Variants in INPP4B observed in about 807,000 individuals in gnomAD.
INPP4B encodes the protein inositol polyphosphate 4-phosphatase type II.
INPP4B carries 55 observed loss-of-function variants against 122.5 expected under a neutral mutation model. The observed-to-expected ratio is 0.45, with a 90% CI of 0.36 to 0.56. The LOEUF is 0.56. Ranked by LOEUF, INPP4B falls within the 20% of genes least tolerant of loss-of-function variation. INPP4B has a pLI of 0.00. For synonymous variants in INPP4B, 403 were observed against 388.7 expected, an observed-to-expected ratio of 1.04 and a Z score of -0.43; for missense variants, 1,000 against 1,097.7, an observed-to-expected ratio of 0.91 and a Z score of 1.26.
intron 2 of INPP4B, among the ~76,000 whole-genome samples, chr4:142,553,874 C>A (rs1204132190): frequency 1.3e-5 from 2 of 152,052 alleles, no homozygotes; most frequent in Admixed American, 6.6e-5. Context: ...ATGGCTGCAC[C>A]GTCAGTCTTA....
chr4:142,095,064 A>G (rs1423584108), intron 23 of INPP4B, among the ~76,000 whole-genome samples: 1 of 152,194 alleles, frequency 6.6e-6, no homozygotes, highest in Non-Finnish European at 1.5e-5. Context: ...GCAACAAAAC[A>G]TATTAATCTA....
intron 25 of INPP4B, 21 bp downstream of exon 25, chr4:142,082,009 AC>A: frequency 7.1e-7 from 1 of 1,412,664 alleles, no homozygotes; most frequent in South Asian, 1.9e-5. Context: ...AAAGAAAAAA[AC>A]TTGAAAAACA....
rs1357476933 is a variant in INPP4B, at chr4:142,554,224, AG to A, written c.-190-91499del. On this transcript the variant is annotated intron_variant, in intron 2 of 25. Coordinates refer to ENST00000262992, the MANE Select transcript of INPP4B (RefSeq NM_001101669.3). ...AAAAAAAGAAAAAGAAAAAAGCCAG[AG>A]TCATCCACTTCCTTCCACTCCAGAT... Among the ~76,000 whole-genome samples the A allele has an allele frequency of 4.6e-5, 7 of 150,744 alleles. No homozygotes were observed. In the East Asian group the frequency reaches 1.4e-3, roughly 29 times the overall value.
chr4:142,266,500 T>C (rs1742895584), intron 10 of INPP4B, among the ~76,000 whole-genome samples: 1 of 152,212 alleles, frequency 6.6e-6, no homozygotes, highest in Admixed American at 6.5e-5. Flanking sequence ...ATTTGTTACG[T>C]GTTGGATAAA....
intron 5 of INPP4B, chr4:142,423,719 G>A (rs775567026): frequency 7.3e-6 from 3 of 412,590 alleles, no homozygotes; most frequent in Non-Finnish European, 1.4e-5. Flanking sequence ...ATACTGAATT[G>A]CATATCCACA....
intron 25 of INPP4B, among the ~76,000 whole-genome samples, chr4:142,080,193 C>T (rs984882484): frequency 6.6e-6 from 1 of 152,050 alleles, no homozygotes; most frequent in Non-Finnish European, 1.5e-5. Context: ...TAATGTATGG[C>T]ATATAGCCTG....
intron 9 of INPP4B, among the ~76,000 whole-genome samples, chr4:142,294,486 G>A (rs574050456): frequency 7.9e-5 from 12 of 152,070 alleles, no homozygotes; most frequent in Middle Eastern, 3.4e-3. Flanking sequence ...AATACCAGGT[G>A]GATAAGATAT....
rs184155869 is a variant in INPP4B, at chr4:142,270,728, C to A, written c.550G>T (p.Val184Leu). Residue 184 changes from valine (V) to leucine (L), a missense_variant, in exon 10 of 26, where the codon GTG becomes TTG. Transcript: ENST00000262992. ...KVVGTIEVSV[V>L]KMGEIEDGEA... The stretch of plus-strand genomic sequence containing the variant: ...CCATCCTCAATCTCCCCCATCTTCA[C>A]GACACTGACTTCTATGGTGCCAACC... The A allele has an allele frequency of 1.9e-6, 3 of 1,613,986 alleles. No individual in the cohort carries two copies. The highest frequency in any genetic ancestry group is 4.5e-5 in the East Asian group (2 of 44,866).
chr4:142,817,845 T>C lies in INPP4B; in HGVS notation c.-254+28364A>G, dbSNP rs543738348. On this transcript the variant is annotated intron_variant, in intron 1 of 25. Transcript: ENST00000262992. ...ATCTAAACCTACTTTATAACTGCTA[T>C]ATATTGACGTTAAAAGGAAACCAAA... Among the ~76,000 whole-genome samples the C allele has an allele frequency of 3.3e-5, 5 of 152,284 alleles. No homozygotes were observed. The South Asian group carries it at 8.3e-4, about 25-fold the overall frequency.
intron 10 of INPP4B, among the ~76,000 whole-genome samples, chr4:142,264,651 G>C (rs1741908605): frequency 6.6e-6 from 1 of 152,154 alleles, no homozygotes; most frequent in South Asian, 2.1e-4. Context: ...AAACGTATGT[G>C]AGAAGAAAGA....
chr4:142,352,175 G>C (rs1782122430), intron 7 of INPP4B, among the ~76,000 whole-genome samples: 3 of 151,900 alleles, frequency 2.0e-5, no homozygotes, highest in Admixed American at 1.3e-4. Flanking sequence ...AGACCGCTTT[G>C]TGTTCCTGAA....
Position 142,375,941 on chromosome 4 carries a change from G to T in INPP4B, c.372+26997C>A, listed in dbSNP as rs144096012. On this transcript the variant is annotated intron_variant, in intron 7 of 25. Coordinates refer to ENST00000262992, the MANE Select transcript of INPP4B (RefSeq NM_001101669.3). Reference sequence around the variant, plus strand: ...AGCTACTATTAGACAGACGTCTCTAGACAATAAAAATCTTGTCACTGTATC... The same window carrying T: ...AGCTACTATTAGACAGACGTCTCTATACAATAAAAATCTTGTCACTGTATC... 8.1e-3 allele frequency among the ~76,000 whole-genome samples: 1,236 copies of T among 151,966 alleles called. 17 individuals carry two copies. The highest frequency in any genetic ancestry group is 0.028 in the African/African-American group (1,182 of 41,520).
intron 10 of INPP4B, among the ~76,000 whole-genome samples, chr4:142,268,523 T>G (rs962044949): frequency 1.3e-5 from 2 of 151,618 alleles, no homozygotes; most frequent in Non-Finnish European, 1.5e-5. Context: ...CCAAAGGAAT[T>G]GAAATCAATA....
At chr4:142,417,494 T>A (rs1265486136) in intron 5 of INPP4B, among the ~76,000 whole-genome samples, 1 of 151,900 alleles carries the variant, frequency 6.6e-6, no homozygotes, top group Non-Finnish European at 1.5e-5. Flanking sequence ...ATAAAATGTG[T>A]GAAAAAATGT....
intron 2 of INPP4B, among the ~76,000 whole-genome samples, chr4:142,524,732 G>A (rs1463472979): frequency 8.6e-5 from 13 of 151,828 alleles, no homozygotes; most frequent in Admixed American, 3.9e-4. Flanking sequence ...TTGACGGGAC[G>A]TATTTCAAAA....
Position 142,082,178 on chromosome 4 carries a change from C to T in INPP4B, c.2495G>A (p.Arg832His), listed in dbSNP as rs1303434799. 5 of 1,508,112 alleles carry T rather than the reference C, an allele frequency of 3.3e-6. No individual in the cohort carries two copies. The highest frequency in any genetic ancestry group is 2.3e-5 in the East Asian group (1 of 43,648). 93.4% of individuals were successfully genotyped at this position (1,508,112 alleles called of 1,614,324 possible). A position where few individuals can be genotyped will look rare whatever the true frequency, so the allele number is the denominator to read the frequency against. The stretch of plus-strand genomic sequence containing the variant: ...GGTGAAACGAATACCATTCAGTTTG[C>T]GGCAAATCTGTAACATATGTAAGAA... ...EIMWLAATIC[R>H]KLNGIRFTCC... Residue 832 changes from arginine (R) to histidine (H), a missense_variant, in exon 25 of 26, where the codon CGC becomes CAC. Coordinates refer to ENST00000262992, the MANE Select transcript of INPP4B (RefSeq NM_001101669.3).
chr4:142,259,031 A>T (rs903426888), intron 11 of INPP4B, among the ~76,000 whole-genome samples: 5 of 152,150 alleles, frequency 3.3e-5, no homozygotes, highest in Non-Finnish European at 5.9e-5. Context: ...GCCATAAAAA[A>T]TGATGAGTTC....
chr4:142,793,277 ACT>A (rs1776800178), intron 1 of INPP4B, among the ~76,000 whole-genome samples: 2 of 152,024 alleles, frequency 1.3e-5, no homozygotes, highest in Admixed American at 1.3e-4. Context: ...AGTCCACTAG[ACT>A]CTAAATTACT....
At position 142,243,892 on chromosome 4, in the gene INPP4B, C is replaced by T. The variant is rs1305877812; in HGVS notation, c.689-5881G>A. 5.3e-5 allele frequency among the ~76,000 whole-genome samples: 7 copies of T among 132,568 alleles called. No individual in the cohort carries two copies. In the Admixed American group the frequency reaches 5.8e-4, roughly 11 times the overall value. The allele number at this position is 132,568 out of a possible 152,430, so 87.0% of individuals were successfully genotyped here. A position where few individuals can be genotyped will look rare whatever the true frequency, so the allele number is the denominator to read the frequency against. On this transcript the variant is annotated intron_variant, in intron 11 of 25. Transcript: ENST00000262992. Reference sequence around the variant, plus strand: ...AAATCTATGGTGCTACATGGTAGAACAAACTTTATTATTATTATTATTATT... The same window carrying T: ...AAATCTATGGTGCTACATGGTAGAATAAACTTTATTATTATTATTATTATT...
Sources: gnomAD v4.1 joint callset for allele counts (sites outside exome capture counted in the v4.1 genomes callset) on GRCh38, gnomAD v4.1.1 for gene constraint, MANE v1.5 for transcripts, NCBI Gene and HGNC (gene_info 2026-07-23, HGNC 2026-07-21) for gene names.